The following EFR3B variants were observed in gnomAD, a reference collection of about 807,000 sequenced individuals.
EFR3B encodes EFR3 homolog B.
Under a neutral mutation model 104.7 loss-of-function variants are expected in EFR3B, and 64 were observed. The ratio of observed to expected loss-of-function variants is 0.61; its 90% CI spans 0.50 to 0.75. The LOEUF (loss-of-function observed/expected upper bound fraction) is 0.75. Among genes scored for constraint, EFR3B ranks in the 30% least tolerant of loss-of-function variants. The pLI is 0.00. For missense variants in EFR3B, 750 were observed against 1,078.5 expected (o/e 0.70, Z 4.27); for synonymous variants, 385 against 417.9 (o/e 0.92, Z 0.96).
chr2:25,134,159 CA>C (rs1670455341), intron 12 of EFR3B, among the ~76,000 whole-genome samples: 1 of 148,512 alleles, frequency 6.7e-6, no homozygotes, highest in Admixed American at 6.9e-5. Context: ...TCTTATTTCA[CA>C]GTAGGTCTCA....
Position 25,154,414 on chromosome 2 carries a change from G to A in EFR3B, c.*74G>A. The stretch of plus-strand genomic sequence containing the variant: ...CACCTCACGCCCACCCCGACCACAT[G>A]GAGATCTGGCTGTGATCTCTGAGAA... On this transcript the variant is annotated 3_prime_UTR_variant, in exon 23 of 23. Coordinates refer to ENST00000403714, the MANE Select transcript of EFR3B (RefSeq NM_014971.2). This position sits in a 1 kb window ranked among gnomAD's most constrained non-coding sequence, Gnocchi z 4.1. 7.5e-7 allele frequency: 1 copy of A among 1,329,356 alleles called. No individual in the cohort carries two copies. Among genetic ancestry groups the A allele is most frequent in the Non-Finnish European group, 1.0e-6 (1 of 953,236 alleles). The allele number at this position is 1,329,356 out of a possible 1,614,324, so 82.3% of individuals were successfully genotyped here. A position where few individuals can be genotyped will look rare whatever the true frequency, so the allele number is the denominator to read the frequency against.
At position 25,152,008 on chromosome 2, in the gene EFR3B, C is replaced by A. The variant is rs1180526325; in HGVS notation, c.2286C>A (p.His762Gln). 2 of 1,551,672 alleles carry A rather than the reference C, an allele frequency of 1.3e-6. No individual in the cohort carries two copies. The change falls in exon 21 of 23, where the codon CAC becomes CAA. Residue 762 changes from histidine to glutamine, a missense_variant. By Grantham distance (24) the His-to-Gln change is conservative (BLOSUM62 0). Coordinates refer to ENST00000403714, the MANE Select transcript of EFR3B (RefSeq NM_014971.2). The part of the protein sequence containing the change: ...QKAPFEEIAA[H>Q]CGARASLLQS... ...CACCCTTCGAGGAGATTGCTGCACA[C>A]TGCGGGGCCCGGGTAAGTGAAGCAT...
intron 21 of EFR3B, 74 bp downstream of exon 21, chr2:25,152,094 G>A: frequency 7.0e-7 from 1 of 1,430,712 alleles, no homozygotes; most frequent in Non-Finnish European, 9.6e-7. Flanking sequence ...ACAGGATTAA[G>A]TTCCTAGGAG....
At chr2:25,146,011 A>G (rs947374721) in intron 19 of EFR3B, 3 of 151,150 alleles carry the variant, frequency 2.0e-5, no homozygotes, top group Non-Finnish European at 4.4e-5. Context: ...TACCATACAG[A>G]GTCATTTCCT....
chr2:25,128,359 A>G, intron 6 of EFR3B, 27 bp downstream of exon 6: 6 of 1,551,096 alleles, frequency 3.9e-6, no homozygotes, highest in South Asian at 1.2e-5. Flanking sequence ...GGGGCAGGAC[A>G]GTAGATATAA....
At chr2:25,129,091 C>T (rs1670252841) in intron 6 of EFR3B, among the ~76,000 whole-genome samples, 1 of 149,736 alleles carries the variant, frequency 6.7e-6, no homozygotes, top group Non-Finnish European at 1.5e-5. Context: ...GCCCTGAAAA[C>T]GTGCATGCTT....
intron 4 of EFR3B, among the ~76,000 whole-genome samples, chr2:25,105,133 C>T (rs1253850606): frequency 6.6e-6 from 1 of 152,084 alleles, no homozygotes; most frequent in Non-Finnish European, 1.5e-5. Context: ...CTTAGCCTTC[C>T]AACCTGAATT....
chr2:25,088,085 G>A lies in EFR3B; in HGVS notation c.8-3240G>A, dbSNP rs578212162. On this transcript the variant is annotated intron_variant, in intron 1 of 22. Transcript: ENST00000403714. ...CTGCCTTGATTGCTGAAGCTTCCTC[G>A]TGCACTCGTCAGTCCCTTAAGCTTC... Among the ~76,000 whole-genome samples, 82 of 151,262 alleles carry A rather than the reference G, an allele frequency of 5.4e-4. 1 individual carries two copies. The highest frequency in any genetic ancestry group is 1.5e-3 in the Admixed American group (23 of 15,242).
intron 4 of EFR3B, among the ~76,000 whole-genome samples, chr2:25,110,820 G>A (rs972298080): frequency 4.5e-4 from 68 of 152,004 alleles, no homozygotes; most frequent in African/African-American, 1.6e-3. Context: ...ATTTTCCCCC[G>A]TTGTCTGCAT....
intron 4 of EFR3B, among the ~76,000 whole-genome samples, chr2:25,111,919 C>T (rs1387742039): frequency 1.3e-5 from 2 of 152,228 alleles, no homozygotes; most frequent in Admixed American, 1.3e-4. Context: ...TTCTGAGCTC[C>T]AGAACTCAGA....
At chr2:25,091,147 G>A (rs890891487) in intron 1 of EFR3B, among the ~76,000 whole-genome samples, 178 bp from the exon 2 acceptor site, 1 of 152,222 alleles carries the variant, frequency 6.6e-6, no homozygotes, top group African/African-American at 2.4e-5. Flanking sequence ...GTGGGGGTAG[G>A]GGACAATGAG....
intron 21 of EFR3B, among the ~76,000 whole-genome samples, chr2:25,152,840 G>GTA (rs1353540618): frequency 4.5e-5 from 4 of 88,860 alleles, no homozygotes; most frequent in Non-Finnish European, 3.3e-5. Flanking sequence ...GTGTGTGTGT[G>GTA]TGTATATAAA....
chr2:25,122,638 A>G lies in EFR3B; in HGVS notation c.485+844A>G, dbSNP rs565260879. 8.9e-4 allele frequency among the ~76,000 whole-genome samples: 136 copies of G among 152,162 alleles called. 3 individuals are homozygous for G. In the South Asian group the frequency reaches 0.027, roughly 30 times the overall value. ...TGTGCTGGGAATGCTTCCTCCAGGGATCTGCATGGCTCACTGCATCGCCTC... is the reference window on the plus strand; with the variant it reads ...TGTGCTGGGAATGCTTCCTCCAGGGGTCTGCATGGCTCACTGCATCGCCTC... On this transcript the variant is annotated intron_variant, in intron 5 of 22. Transcript: ENST00000403714.
chr2:25,152,110 G>A (rs1453471034), intron 21 of EFR3B, 90 bp downstream of exon 21: 10 of 1,344,352 alleles, frequency 7.4e-6, no homozygotes, highest in Non-Finnish European at 1.0e-5. Context: ...AGGAGATCTT[G>A]GCTCTTTGAC....
At chr2:25,100,817 A>G (rs1281487536) in intron 3 of EFR3B, among the ~76,000 whole-genome samples, 1 of 152,102 alleles carries the variant, frequency 6.6e-6, no homozygotes, top group Non-Finnish European at 1.5e-5. Flanking sequence ...TTGTGTCAGG[A>G]GGTACTTTTC....
At chr2:25,127,819 G>A (rs976400806) in intron 5 of EFR3B, among the ~76,000 whole-genome samples, 3 of 152,134 alleles carry the variant, frequency 2.0e-5, no homozygotes, top group East Asian at 1.9e-4. Flanking sequence ...TCACAGCCTC[G>A]GATTCTGCTT....
chr2:25,153,044 C>A (rs2149215563), intron 21 of EFR3B, among the ~76,000 whole-genome samples: 1 of 152,192 alleles, frequency 6.6e-6, no homozygotes, highest in East Asian at 1.9e-4. Flanking sequence ...CACAGCTGCT[C>A]CTTGCAAGTT....
rs770503339 is a variant in EFR3B, at chr2:25,139,101, C to T, written c.1765C>T (p.Arg589Cys). The T allele has an allele frequency of 2.5e-5, 39 of 1,551,730 alleles. No individual in the cohort carries two copies. The highest frequency in any genetic ancestry group is 2.0e-4 in the South Asian group (17 of 84,052). Reference sequence around the variant, plus strand: ...TGAGGAGAACTTGCCTGTCTACAACCGCTGTGCCCTCTATGCTCTGGGCGC... The same window carrying T: ...TGAGGAGAACTTGCCTGTCTACAACTGCTGTGCCCTCTATGCTCTGGGCGC... ...VNEENLPVYN[R>C]CALYALGAAY... The change falls in exon 16 of 23, where the codon CGC becomes TGC. Residue 589 changes from arginine to cysteine, a missense_variant. Physicochemically the swap from Arg to Cys is radical, Grantham distance 180. Coordinates refer to ENST00000403714, the MANE Select transcript of EFR3B (RefSeq NM_014971.2).
At chr2:25,043,477 G>C (rs1015840159) in intron 1 of EFR3B, among the ~76,000 whole-genome samples, 1 of 152,160 alleles carries the variant, frequency 6.6e-6, no homozygotes, top group African/African-American at 2.4e-5. Flanking sequence ...CAATTGGTGG[G>C]CCCCCCTACT....
Sources: gnomAD v4.1 joint callset for allele counts (sites outside exome capture counted in the v4.1 genomes callset) on GRCh38, gnomAD v4.1.1 for gene constraint, Gnocchi (gnomAD v3.1) non-coding constraint, MANE v1.5 for transcripts, NCBI Gene and HGNC (gene_info 2026-07-23, HGNC 2026-07-21) for gene names.